SH3BGRL: variants seen among roughly 807,000 people sequenced by gnomAD.
SH3BGRL encodes adapter SH3BGRL.
SH3BGRL carries 7 observed loss-of-function variants against 9.8 expected under a neutral mutation model. The observed-to-expected ratio is 0.72, with a 90% CI of 0.41 to 1.35. The LOEUF is 1.35. Among genes scored for constraint, SH3BGRL ranks in the 40% most tolerant of loss-of-function variants. SH3BGRL has a pLI of 0.01. For synonymous variants in SH3BGRL, 36 were observed against 29.1 expected, an observed-to-expected ratio of 1.24 and a Z score of -0.76; for missense variants, 73 against 84.4, an observed-to-expected ratio of 0.86 and a Z score of 0.53.
At position 81,297,451 on chromosome X, in the gene SH3BGRL, T is replaced by C. The variant is rs2075879103; in HGVS notation, c.*224T>C. The C allele has an allele frequency of 3.2e-6, 1 of 314,139 alleles. No homozygotes were observed. The allele number at this position is 314,139 out of a possible 1,213,427, so 25.9% of individuals were successfully genotyped here. On this transcript the variant is annotated 3_prime_UTR_variant, in exon 4 of 4. Transcript: ENST00000373212. ...ATTAACATAAAATTATATTAATAAGTAGATATCGTAGAAATAGTGTTGTTA... is the reference window on the plus strand; with the variant it reads ...ATTAACATAAAATTATATTAATAAGCAGATATCGTAGAAATAGTGTTGTTA...
At chrX:81,278,455 T>A in intron 3 of SH3BGRL, 44 bp downstream of exon 3, 1 of 841,863 alleles carries the variant, frequency 1.2e-6, no homozygotes, top group East Asian at 3.3e-5. Context: ...ATTTTATTGC[T>A]GCTGAACTTT....
chrX:81,262,913 A>T (rs2075745446), intron 1 of SH3BGRL, among the ~76,000 whole-genome samples: 1 of 111,826 alleles, frequency 8.9e-6, no homozygotes, highest in South Asian at 3.7e-4. Flanking sequence ...TGAGCACTAT[A>T]TGGGGAGACA....
intron 1 of SH3BGRL, among the ~76,000 whole-genome samples, chrX:81,269,636 G>C (rs1243895643): frequency 9.0e-6 from 1 of 111,169 alleles, no homozygotes; most frequent in African/African-American, 3.3e-5. Flanking sequence ...CTTTCTCCCT[G>C]GCTGCCCTTA....
intron 1 of SH3BGRL, chrX:81,202,502 A>G (rs2075532084): frequency 1.0e-6 from 1 of 973,267 alleles, no homozygotes. Context: ...AACGAAAGCT[A>G]CCAAGTTTTG....
chrX:81,247,885 A>G (rs2075694471), intron 1 of SH3BGRL, among the ~76,000 whole-genome samples: 1 of 109,636 alleles, frequency 9.1e-6, no homozygotes, highest in Admixed American at 9.8e-5. Flanking sequence ...AATGGGTACA[A>G]GTTCTTCTTT....
At chrX:81,205,720 C>T (rs1336701092) in intron 1 of SH3BGRL, among the ~76,000 whole-genome samples, 1 of 109,517 alleles carries the variant, frequency 9.1e-6, no homozygotes, top group Non-Finnish European at 1.9e-5. Context: ...TTTGAGGAAC[C>T]TCTATGCTGT....
At chrX:81,228,444 G>A (rs183834157) in intron 1 of SH3BGRL, among the ~76,000 whole-genome samples, 59 of 112,162 alleles carry the variant, frequency 5.3e-4, no homozygotes, top group Non-Finnish European at 1.0e-3. Flanking sequence ...TCTGGGTTAA[G>A]ATAAGGGGTT....
chrX:81,290,021 A>G (rs1401988986), intron 3 of SH3BGRL, among the ~76,000 whole-genome samples: 2 of 112,252 alleles, frequency 1.8e-5, no homozygotes, highest in Non-Finnish European at 3.8e-5. Context: ...AAAAACTACA[A>G]TGAGATATAA....
At chrX:81,244,085 AT>A (rs1021917855) in intron 1 of SH3BGRL, among the ~76,000 whole-genome samples, 1 of 111,402 alleles carries the variant, frequency 9.0e-6, no homozygotes, top group Non-Finnish European at 1.9e-5. Flanking sequence ...TTATTGAGTT[AT>A]TTTTTTTCTA....
rs2075882487 is a variant in SH3BGRL at position 81,298,311 on chromosome X, T to G, written c.*1084T>G. The G allele has an allele frequency of 9.0e-6, 1 of 111,592 alleles. No individual in the cohort carries two copies. Among genetic ancestry groups the G allele is most frequent in the African/African-American group, 3.2e-5 (1 of 30,848 alleles). 9.2% of individuals were successfully genotyped at this position (111,592 alleles called of 1,213,427 possible). On this transcript the variant is annotated 3_prime_UTR_variant, in exon 4 of 4. Coordinates refer to ENST00000373212, the MANE Select transcript of SH3BGRL (RefSeq NM_003022.3). Reference sequence around the variant, plus strand: ...TTAAAATATTAAGCCTGAAGACTTCTAAAAAGACAAGAAACATGGCCTAAA... The same window carrying G: ...TTAAAATATTAAGCCTGAAGACTTCGAAAAAGACAAGAAACATGGCCTAAA...
At chrX:81,223,453 C>G (rs1454465293) in intron 1 of SH3BGRL, among the ~76,000 whole-genome samples, 2 of 111,293 alleles carry the variant, frequency 1.8e-5, no homozygotes, top group Non-Finnish European at 3.8e-5. Context: ...TAAGTACCCA[C>G]TGATAAAATA....
At chrX:81,219,864 A>G (rs1048313564) in intron 1 of SH3BGRL, among the ~76,000 whole-genome samples, 2 of 111,519 alleles carry the variant, frequency 1.8e-5, no homozygotes, top group African/African-American at 6.5e-5. Context: ...TTTTAGCATC[A>G]TCTGAAATTA....
At chrX:81,226,695 A>G (rs956284929) in intron 1 of SH3BGRL, among the ~76,000 whole-genome samples, 13 of 108,599 alleles carry the variant, frequency 1.2e-4, no homozygotes, top group African/African-American at 3.3e-4. Context: ...GGCAGAGGGA[A>G]AATTTTTGAC....
At chrX:81,217,221 C>A (rs1310349409) in intron 1 of SH3BGRL, among the ~76,000 whole-genome samples, 1 of 110,210 alleles carries the variant, frequency 9.1e-6, no homozygotes, top group African/African-American at 3.3e-5. Context: ...TTCAAAAAAC[C>A]AGCTTTTTGT....
chrX:81,212,853 A>G (rs2075569694), intron 1 of SH3BGRL, among the ~76,000 whole-genome samples: 1 of 112,160 alleles, frequency 8.9e-6, no homozygotes, highest in African/African-American at 3.2e-5. Flanking sequence ...AACTCAAAGC[A>G]TCTAATACGA....
intron 1 of SH3BGRL, among the ~76,000 whole-genome samples, chrX:81,269,584 C>A (rs914075698): frequency 8.9e-6 from 1 of 111,870 alleles, no homozygotes; most frequent in Non-Finnish European, 1.9e-5. Flanking sequence ...GCTGAGAGAT[C>A]CACTGTTAGT....
rs768214511 is a variant in SH3BGRL, at chrX:81,234,252, C to A, written c.45+32007C>A. Among the ~76,000 whole-genome samples the A allele has an allele frequency of 4.5e-5, 5 of 111,284 alleles. No individual in the cohort carries two copies. The South Asian group carries it at 1.9e-3, about 42-fold the overall frequency. ...ATCAATATAGAAATACCTTGACTTG[C>A]TCATTTTCTCAAAGTAATAAGGCAA... On this transcript the variant is annotated intron_variant, in intron 1 of 3. Coordinates refer to ENST00000373212, the MANE Select transcript of SH3BGRL (RefSeq NM_003022.3).
chrX:81,264,847 C>G (rs2075751366), intron 1 of SH3BGRL, among the ~76,000 whole-genome samples: 1 of 110,040 alleles, frequency 9.1e-6, no homozygotes, highest in Non-Finnish European at 1.9e-5. Context: ...GAAGCCATCT[C>G]TGAAGAAATG....
intron 1 of SH3BGRL, among the ~76,000 whole-genome samples, chrX:81,243,655 G>T (rs1275558193): frequency 9.0e-6 from 1 of 110,582 alleles, no homozygotes; most frequent in Non-Finnish European, 1.9e-5. Flanking sequence ...TTGCATGTCT[G>T]TTTCAAAACA....
Sources: allele counts gnomAD v4.1 joint callset (sites outside exome capture counted in the v4.1 genomes callset), GRCh38; gene constraint gnomAD v4.1.1; transcripts MANE v1.5; gene names NCBI Gene and HGNC (gene_info 2026-07-23, HGNC 2026-07-21).